The following COL13A1 variants were observed in gnomAD, a reference collection of about 807,000 sequenced individuals.
COL13A1 encodes collagen type XIII alpha 1 chain.
Under a neutral mutation model 130.9 loss-of-function variants are expected in COL13A1, and 89 were observed. That is an observed-to-expected ratio of 0.68 (90% CI 0.57 to 0.81). The LOEUF is 0.81. COL13A1 is among the 30% of genes least tolerant of loss of function. The pLI, the probability that COL13A1 is intolerant of heterozygous loss-of-function variation, is 0.00. For missense variants in COL13A1, 879 were observed against 934.6 expected, an observed-to-expected ratio of 0.94 and a Z score of 0.78; for synonymous variants, 402 against 341.6, an observed-to-expected ratio of 1.18 and a Z score of -1.95.
chr10:69,952,715 GGGA>G (rs1446883526), intron 38 of COL13A1, among the ~76,000 whole-genome samples, 164 bp from the exon 39 acceptor site: 1 of 152,168 alleles, frequency 6.6e-6, no homozygotes, highest in African/African-American at 2.4e-5. Context: ...CTGGGGGGTG[GGGA>G]GGAGGTGGGT....
chr10:69,951,282 TATTATC>T (rs937346250), intron 38 of COL13A1, among the ~76,000 whole-genome samples: 8 of 152,206 alleles, frequency 5.3e-5, no homozygotes, highest in Non-Finnish European at 1.0e-4. Flanking sequence ...TAATGACCAT[TATTATC>T]ATTATGAAGC....
In COL13A1 at chr10:69,876,305, T is replaced by C. The variant is rs142887358; in HGVS notation, c.435+1142T>C. On this transcript the variant is annotated intron_variant, in intron 5 of 40. Transcript: ENST00000645393. Reference sequence around the variant, plus strand: ...AACTCAGACAGCCCAACTCCAAACCTGCGCTCTTGATCCTGACAATATTAC... The same window carrying C: ...AACTCAGACAGCCCAACTCCAAACCCGCGCTCTTGATCCTGACAATATTAC... Among the ~76,000 whole-genome samples the C allele has an allele frequency of 6.1e-3, 922 of 152,286 alleles. 13 individuals carry two copies. Among genetic ancestry groups the C allele is most frequent in the African/African-American group, 0.021 (871 of 41,554 alleles).
At chr10:69,923,489 G>A (rs189055849) in intron 23 of COL13A1, among the ~76,000 whole-genome samples, 30 of 152,326 alleles carry the variant, frequency 2.0e-4, no homozygotes, top group Admixed American at 1.3e-3. Context: ...CATTCATTCC[G>A]CCCATATCCA....
intron 2 of COL13A1, among the ~76,000 whole-genome samples, chr10:69,866,568 C>T (rs556668475): frequency 6.6e-6 from 1 of 152,264 alleles, no homozygotes; most frequent in South Asian, 2.1e-4. Context: ...CCCAGATGCT[C>T]CCCCTGCTCT....
At chr10:69,880,574 C>T (rs766076987) in intron 7 of COL13A1, 21 bp downstream of exon 7, 10 of 1,612,304 alleles carry the variant, frequency 6.2e-6, no homozygotes, top group East Asian at 2.2e-5. Flanking sequence ...TTTGCTCTTC[C>T]TCGGGGTGTT....
chr10:69,941,963 C>T (rs572804270), intron 35 of COL13A1, among the ~76,000 whole-genome samples: 7 of 152,350 alleles, frequency 4.6e-5, no homozygotes, highest in Non-Finnish European at 8.8e-5. Context: ...TTCAAGGCCA[C>T]ATCTGCCCAT....
intron 27 of COL13A1, 76 bp from the exon 28 acceptor site, chr10:69,928,861 C>T (rs2065727641): frequency 5.6e-6 from 6 of 1,077,258 alleles, no homozygotes; most frequent in Admixed American, 2.0e-5. Flanking sequence ...AGCCAGCCTC[C>T]ACATATAGCC....
intron 2 of COL13A1, among the ~76,000 whole-genome samples, chr10:69,858,136 G>C (rs201857917): frequency 4.0e-4 from 23 of 58,114 alleles, no homozygotes; most frequent in African/African-American, 1.1e-3. Flanking sequence ...AAAAAAAAAA[G>C]ATTGGTGCCT....
chr10:69,834,210 T>A (rs1462524985), intron 2 of COL13A1, among the ~76,000 whole-genome samples: 4 of 152,164 alleles, frequency 2.6e-5, no homozygotes, highest in African/African-American at 9.7e-5. Context: ...GCATGCGCAG[T>A]CTGCAATAGG....
Position 69,899,892 on chromosome 10 carries a change from G to A in COL13A1, c.750+1130G>A, listed in dbSNP as rs1398023001. ...CCGCAGAGCCTCAAGCAACAATCTG[G>A]CCTGACTCAGGAGTCAGGAGCCCAA... On this transcript the variant is annotated intron_variant, in intron 14 of 40. Transcript: ENST00000645393. 5.9e-5 allele frequency among the ~76,000 whole-genome samples: 9 copies of A among 152,116 alleles called. No individual in the cohort carries two copies. In the East Asian group the frequency reaches 1.7e-3, roughly 29 times the overall value.
intron 37 of COL13A1, among the ~76,000 whole-genome samples, chr10:69,946,317 C>A (rs965755489): frequency 1.3e-5 from 2 of 152,174 alleles, no homozygotes; most frequent in Non-Finnish European, 2.9e-5. Flanking sequence ...GCAATGTGTG[C>A]GCCATGGCCC....
intron 2 of COL13A1, among the ~76,000 whole-genome samples, chr10:69,827,754 C>G (rs1000501103): frequency 6.6e-6 from 1 of 152,168 alleles, no homozygotes; most frequent in Non-Finnish European, 1.5e-5. Context: ...ATCCTAAACC[C>G]TACTCTCTAG....
chr10:69,803,585 G>A (rs1361211718), intron 1 of COL13A1, among the ~76,000 whole-genome samples: 4 of 152,182 alleles, frequency 2.6e-5, no homozygotes, highest in Non-Finnish European at 5.9e-5. Flanking sequence ...GGACAGGCAG[G>A]TGGGGGCCGC....
chr10:69,954,128 TC>T, intron 39 of COL13A1: 2 of 152,488 alleles, frequency 1.3e-5, no homozygotes, highest in South Asian at 2.1e-4. Flanking sequence ...TCCTCCTCCA[TC>T]CCCCCCAGGC....
At chr10:69,916,695 G>A (rs1353073804) in intron 17 of COL13A1, among the ~76,000 whole-genome samples, 1 of 152,206 alleles carries the variant, frequency 6.6e-6, no homozygotes, top group Non-Finnish European at 1.5e-5. Context: ...CCCTACCTGT[G>A]CCTCTGGACA....
intron 17 of COL13A1, among the ~76,000 whole-genome samples, chr10:69,914,442 C>A (rs1463084425): frequency 6.6e-6 from 1 of 152,242 alleles, no homozygotes; most frequent in African/African-American, 2.4e-5. Flanking sequence ...TCTGATCTAA[C>A]CGCACTTTGC....
At chr10:69,874,111 C>T (rs1026185196) in intron 4 of COL13A1, among the ~76,000 whole-genome samples, 2 of 152,248 alleles carry the variant, frequency 1.3e-5, no homozygotes, top group African/African-American at 4.8e-5. Flanking sequence ...AAAAGTGAAA[C>T]ATTTTACTCA....
chr10:69,929,388 G>A (rs111348159), intron 28 of COL13A1, among the ~76,000 whole-genome samples: 3,508 of 152,028 alleles, frequency 0.023, 155 homozygotes, highest in African/African-American at 0.081. Context: ...GTTTTTCTCA[G>A]AAGGTCTGCC....
intron 1 of COL13A1, among the ~76,000 whole-genome samples, chr10:69,806,687 A>AATG: frequency 6.6e-6 from 1 of 152,336 alleles, no homozygotes; most frequent in Admixed American, 6.5e-5. Flanking sequence ...GTGTGCAGTG[A>AATG]ATGAGAAGGG....
Sources: gnomAD v4.1 joint callset for allele counts (sites outside exome capture counted in the v4.1 genomes callset) on GRCh38, gnomAD v4.1.1 for gene constraint, MANE v1.5 for transcripts, NCBI Gene and HGNC (gene_info 2026-07-23, HGNC 2026-07-21) for gene names.